SEMA3A: variants seen among roughly 807,000 people sequenced by gnomAD.
SEMA3A encodes semaphorin 3A, also known as semaphorin-3A.
Under a neutral mutation model 97.9 loss-of-function variants are expected in SEMA3A, and 29 were observed. The observed-to-expected ratio is 0.30, with a 90% CI of 0.22 to 0.40. SEMA3A has a LOEUF of 0.40. Ranked by LOEUF, SEMA3A falls within the 10% of genes least tolerant of loss-of-function variation. The pLI is 1.00. For missense variants in SEMA3A, 763 were observed against 951.3 expected, an observed-to-expected ratio of 0.80 and a Z score of 2.60; for synonymous variants, 321 against 323.7, an observed-to-expected ratio of 0.99 and a Z score of 0.09.
At chr7:83,963,630 A>G (rs1788564690) in intron 15 of SEMA3A, among the ~76,000 whole-genome samples, 1 of 152,194 alleles carries the variant, frequency 6.6e-6, no homozygotes, top group South Asian at 2.1e-4. Flanking sequence ...TAGCATAACT[A>G]TACGTCTTTA....
At position 83,987,302 on chromosome 7, in the gene SEMA3A, GAAAA is replaced by G. The variant is rs1789677723; in HGVS notation, c.1453-1829_1453-1826del. On this transcript the variant is annotated intron_variant, in intron 12 of 16. Transcript: ENST00000265362. ...AGTGTATTATGGAAGTCAATACTGA[GAAAA>G]AAATCTGAGGATAGTTGACAATGAC... is the stretch of plus-strand genomic sequence containing the variant. Among the ~76,000 whole-genome samples, 5 of 151,988 alleles carry G rather than the reference GAAAA, an allele frequency of 3.3e-5. No individual in the cohort carries two copies. In the South Asian group the frequency reaches 1.0e-3, roughly 32 times the overall value.
intron 3 of SEMA3A, among the ~76,000 whole-genome samples, chr7:84,238,101 A>G (rs537009279): frequency 5.9e-5 from 9 of 151,352 alleles, no homozygotes; most frequent in Middle Eastern, 3.5e-3. Flanking sequence ...ATGGAGTCTC[A>G]CTCTGTCACC....
intron 1 of SEMA3A, among the ~76,000 whole-genome samples, chr7:84,476,486 T>G (rs1240658983): frequency 6.6e-6 from 1 of 152,110 alleles, no homozygotes; most frequent in African/African-American, 2.4e-5. Context: ...GAAGATAGTT[T>G]CATTAAATTA....
chr7:84,204,248 T>C (rs887914731), intron 3 of SEMA3A, among the ~76,000 whole-genome samples: 1 of 152,196 alleles, frequency 6.6e-6, no homozygotes, highest in Non-Finnish European at 1.5e-5. Flanking sequence ...TCATGTATTA[T>C]ATAAGACAGA....
At chr7:84,361,464 CT>C (rs1802717383) in intron 2 of SEMA3A, among the ~76,000 whole-genome samples, 1 of 151,990 alleles carries the variant, frequency 6.6e-6, no homozygotes, top group South Asian at 2.1e-4. Context: ...AATTCTACTA[CT>C]CAGCTATGGA....
intron 1 of SEMA3A, among the ~76,000 whole-genome samples, chr7:84,430,741 T>C (rs986707015): frequency 1.3e-5 from 2 of 151,778 alleles, no homozygotes; most frequent in Non-Finnish European, 2.9e-5. Context: ...TGAAGAAGAA[T>C]TGTCTCAAGG....
At chr7:84,064,375 A>T (rs1793390016) in intron 4 of SEMA3A, among the ~76,000 whole-genome samples, 1 of 152,316 alleles carries the variant, frequency 6.6e-6, no homozygotes, top group Admixed American at 6.5e-5. Context: ...CGAGCAAAAT[A>T]ACCAGGTAAC....
In SEMA3A at chr7:84,152,210, A is replaced by G. The variant is rs538099222; in HGVS notation, c.113-17259T>C. Among the ~76,000 whole-genome samples, 17 of 151,708 alleles carry G rather than the reference A, an allele frequency of 1.1e-4. 1 individual carries two copies. The East Asian group carries it at 3.1e-3, about 28-fold the overall frequency. On this transcript the variant is annotated intron_variant, in intron 1 of 16. Transcript: ENST00000265362. ...TTACTGGGTATATACCCAAAGGACA[A>G]TAAATCATGCTGCTATAAAGACACA...
chr7:84,297,517 T>C (rs924665781), intron 3 of SEMA3A, among the ~76,000 whole-genome samples: 2 of 152,162 alleles, frequency 1.3e-5, no homozygotes, highest in Admixed American at 1.3e-4. Context: ...GGTCTACTTT[T>C]CAACTTTCAT....
At chr7:83,997,603 G>A (rs1456181190) in intron 12 of SEMA3A, among the ~76,000 whole-genome samples, 2 of 152,110 alleles carry the variant, frequency 1.3e-5, no homozygotes, top group Non-Finnish European at 2.9e-5. Flanking sequence ...GAGGAGAACT[G>A]AAATAGTTTT....
intron 1 of SEMA3A, among the ~76,000 whole-genome samples, chr7:84,374,226 A>G (rs73711542): frequency 0.1 from 15,529 of 152,262 alleles, 1,457 homozygotes; most frequent in African/African-American, 0.22. Context: ...GAATGTGTGT[A>G]TCCTTTACCC....
chr7:83,978,890 A>G (rs1789278120), intron 14 of SEMA3A, among the ~76,000 whole-genome samples: 1 of 152,198 alleles, frequency 6.6e-6, no homozygotes, highest in Non-Finnish European at 1.5e-5. Context: ...TAAAATCTGT[A>G]AGGCATAACA....
At chr7:84,385,140 A>G (rs1301972385) in intron 1 of SEMA3A, among the ~76,000 whole-genome samples, 1 of 152,006 alleles carries the variant, frequency 6.6e-6, no homozygotes, top group Non-Finnish European at 1.5e-5. Flanking sequence ...AACAGATACC[A>G]TTAGAAAAGG....
chr7:84,447,899 C>G (rs948614770), intron 1 of SEMA3A, among the ~76,000 whole-genome samples: 1 of 152,216 alleles, frequency 6.6e-6, no homozygotes, highest in Non-Finnish European at 1.5e-5. Flanking sequence ...CCAGGTGCCA[C>G]CGCATTCCGC....
intron 2 of SEMA3A, among the ~76,000 whole-genome samples, chr7:84,327,304 C>A (rs2115934104): frequency 6.6e-6 from 1 of 151,188 alleles, no homozygotes; most frequent in African/African-American, 2.4e-5. Flanking sequence ...AGCAGGTAGT[C>A]AGTTTTCATT....
At chr7:84,025,531 C>T (rs1253745057) in intron 6 of SEMA3A, among the ~76,000 whole-genome samples, 2 of 152,140 alleles carry the variant, frequency 1.3e-5, no homozygotes, top group Non-Finnish European at 2.9e-5. Flanking sequence ...GGAGATATAT[C>T]ATTTTTGGCT....
At chr7:84,057,994 T>C (rs1583890008) in intron 5 of SEMA3A, among the ~76,000 whole-genome samples, 1 of 152,168 alleles carries the variant, frequency 6.6e-6, no homozygotes, top group East Asian at 1.9e-4. Flanking sequence ...AGAAGTCATA[T>C]TAAACCTTGC....
chr7:84,443,880 C>CTTTT lies in SEMA3A; in HGVS notation c.-246+48576_-246+48579dup, dbSNP rs71078831. On this transcript the variant is annotated intron_variant, in intron 1 of 3. Coordinates refer to the SEMA3A transcript ENST00000424555. ...GTAGCCATTTTGATTGTGCTTTGTC[C>CTTTT]TTTTTTTTTTTTTTTTTTTTTTTTG... is the stretch of plus-strand genomic sequence containing the variant. 3.9e-3 allele frequency among the ~76,000 whole-genome samples: 364 copies of CTTTT among 92,396 alleles called. 5 individuals are homozygous for CTTTT. Among genetic ancestry groups the CTTTT allele is most frequent in the Middle Eastern group, 0.013 (1 of 78 alleles). 60.6% of individuals were successfully genotyped at this position (92,396 alleles called of 152,430 possible).
At chr7:83,973,295 A>G (rs1319419811) in intron 15 of SEMA3A, among the ~76,000 whole-genome samples, 1 of 152,116 alleles carries the variant, frequency 6.6e-6, no homozygotes, top group Non-Finnish European at 1.5e-5. Flanking sequence ...CATCTGAATA[A>G]GAGTTTATTT....
Sources: allele counts gnomAD v4.1 joint callset (sites outside exome capture counted in the v4.1 genomes callset), GRCh38; gene constraint gnomAD v4.1.1; transcripts MANE v1.5; gene names NCBI Gene and HGNC (gene_info 2026-07-23, HGNC 2026-07-21).